Variants in LYST observed in about 807,000 individuals in gnomAD.
LYST encodes the protein lysosomal trafficking regulator, also known as lysosomal-trafficking regulator.
LYST carries 192 observed loss-of-function variants against 413.6 expected under a neutral mutation model. The observed-to-expected ratio is 0.46, with a 90% CI of 0.41 to 0.52. The LOEUF (loss-of-function observed/expected upper bound fraction) is 0.52, where lower values mean the gene tolerates loss of function less well. LYST is among the 20% of genes least tolerant of loss of function. The pLI is 0.00. For synonymous variants in LYST, 1,525 were observed against 1,567.3 expected (o/e 0.97, Z 0.64); for missense variants, 3,815 against 4,499.9 (o/e 0.85, Z 4.35).
At chr1:235,778,935 C>T (rs1348933773) in intron 16 of LYST, among the ~76,000 whole-genome samples, 2 of 151,618 alleles carry the variant, frequency 1.3e-5, no homozygotes, top group African/African-American at 2.4e-5. Flanking sequence ...GGCGCATTCT[C>T]GGCTCTCTGC....
chr1:235,871,186 C>T (rs1680907786), upstream of LYST, among the ~76,000 whole-genome samples: 1 of 152,192 alleles, frequency 6.6e-6, no homozygotes, highest in Admixed American at 6.5e-5. Context: ...TTACCAACAT[C>T]CATTTCATTT....
intron 14 of LYST, among the ~76,000 whole-genome samples, chr1:235,785,920 A>G (rs947612833): frequency 5.9e-5 from 9 of 152,186 alleles, no homozygotes; most frequent in African/African-American, 2.2e-4. Context: ...CAATTCTCCT[A>G]TGTGGTAAAA....
At chr1:235,666,235 C>T (rs1311578164) in intron 50 of LYST, among the ~76,000 whole-genome samples, 1 of 77,422 alleles carries the variant, frequency 1.3e-5, no homozygotes, top group African/African-American at 7.5e-5. Context: ...TACACACACA[C>T]ACACACACAC....
intron 25 of LYST, 128 bp downstream of exon 25, chr1:235,755,350 T>G (rs867212665): frequency 1.2e-6 from 1 of 857,542 alleles, no homozygotes; most frequent in Non-Finnish European, 1.9e-6. Context: ...GATTGCACCA[T>G]TGCACTCCAG....
At chr1:235,766,732 T>A (rs1462092212) in intron 20 of LYST, among the ~76,000 whole-genome samples, 1 of 152,138 alleles carries the variant, frequency 6.6e-6, no homozygotes, top group African/African-American at 2.4e-5. Flanking sequence ...GAATAGTGCC[T>A]TGCATATAGG....
chr1:235,694,147 C>A (rs1660899407), intron 46 of LYST, among the ~76,000 whole-genome samples: 2 of 151,958 alleles, frequency 1.3e-5, no homozygotes, highest in African/African-American at 4.8e-5. Context: ...GCAGCTGGGA[C>A]TACAGGCGCT....
chr1:235,831,730 ATAAAGTGCATC>A (rs1189750162), intron 2 of LYST, among the ~76,000 whole-genome samples: 1 of 152,226 alleles, frequency 6.6e-6, no homozygotes. Flanking sequence ...GGAGAAAAAT[ATAAAGTGCATC>A]TCTCATTCTA....
At chr1:235,671,818 G>A (rs1246773458) in intron 50 of LYST, among the ~76,000 whole-genome samples, 1 of 152,174 alleles carries the variant, frequency 6.6e-6, no homozygotes, top group Non-Finnish European at 1.5e-5. Context: ...TTAAGAAGAG[G>A]ATGACATAAT....
chr1:235,738,519 A>C (rs1339978894), intron 31 of LYST: 3 of 1,611,654 alleles, frequency 1.9e-6, no homozygotes, highest in Non-Finnish European at 2.5e-6. Flanking sequence ...CCGTTACCCA[A>C]TGGGGGAAAG....
chr1:235,820,877 T>G (rs2102950319), intron 3 of LYST, among the ~76,000 whole-genome samples: 1 of 152,356 alleles, frequency 6.6e-6, no homozygotes, highest in South Asian at 2.1e-4. Context: ...TCTTTCTCTT[T>G]CCTTTTCTTT....
At chr1:235,691,986 C>CTA (rs1346657498) in intron 47 of LYST, among the ~76,000 whole-genome samples, 1 of 151,024 alleles carries the variant, frequency 6.6e-6, no homozygotes, top group Admixed American at 6.6e-5. Flanking sequence ...GCGTGAGCCA[C>CTA]CATGCCCAGC....
rs1380871045 is a variant in LYST at position 235,759,261 on chromosome 1, G to A, written c.6592C>T (p.Pro2198Ser). 6.2e-7 allele frequency: 1 copy of A among 1,614,120 alleles called. No homozygotes were observed. The highest frequency in any genetic ancestry group is 8.5e-7 in the Non-Finnish European group (1 of 1,180,022). Reference sequence around the variant, plus strand: ...TGTTTATGATCTGCTTTGACCACTGGAAATCCCAGCACTCCCTTTGGGACA... The same window carrying A: ...TGTTTATGATCTGCTTTGACCACTGAAAATCCCAGCACTCCCTTTGGGACA... ...SDVPKGVLGFPVVKADHKQLG... is the reference protein window; with the variant it reads ...SDVPKGVLGFSVVKADHKQLG... Residue 2198 changes from proline to serine, a missense_variant, in exon 23 of 53, where the codon CCA (proline) becomes TCA (serine). This residue lies in a region of LYST where 771 missense variants were observed against 837.1 expected (regional missense o/e 0.92). Transcript: ENST00000389793.
intron 1 of LYST, among the ~76,000 whole-genome samples, chr1:235,857,424 G>A (rs1217139159): frequency 1.3e-5 from 2 of 152,064 alleles, no homozygotes; most frequent in Non-Finnish European, 1.5e-5. Context: ...GGGATTTGAA[G>A]AAAGTTCTAG....
chr1:235,777,174 G>C lies in LYST; in HGVS notation c.5349C>G (p.Ile1783Met). ...TCTTTAGATGATGAGGTTCTAATAA[G>C]ATGCTCTGAACTTCTTTTGAGCTGA... ...RPFSSKEVQSILLEPHHLKNL... is the reference protein window; with the variant it reads ...RPFSSKEVQSMLLEPHHLKNL... The change falls in exon 17 of 53, where the codon ATC becomes ATG. Residue 1783 changes from isoleucine to methionine, a missense_variant. By Grantham distance (10) the Ile-to-Met change is conservative. Coordinates refer to ENST00000389793, the MANE Select transcript of LYST (RefSeq NM_000081.4). 6.2e-7 allele frequency: 1 copy of C among 1,613,750 alleles called. No individual in the cohort carries two copies.
chr1:235,738,191 T>A, intron 31 of LYST: 1 of 1,610,184 alleles, frequency 6.2e-7, no homozygotes. Flanking sequence ...AGATGATGGA[T>A]CTCCACCATG....
At chr1:235,741,937 A>G (rs1015384107) in intron 30 of LYST, among the ~76,000 whole-genome samples, 8 of 152,216 alleles carry the variant, frequency 5.3e-5, no homozygotes, top group Non-Finnish European at 1.2e-4. Flanking sequence ...CTTAAAGAGG[A>G]AGGAAATTCT....
At chr1:235,758,283 G>T (rs1317465578) in intron 23 of LYST, among the ~76,000 whole-genome samples, 1 of 152,326 alleles carries the variant, frequency 6.6e-6, no homozygotes, top group East Asian at 1.9e-4. Flanking sequence ...AGTTTCTGGA[G>T]AGAGAACAAA....
chr1:235,675,796 C>G (rs941807431), intron 50 of LYST, among the ~76,000 whole-genome samples: 1 of 152,172 alleles, frequency 6.6e-6, no homozygotes, highest in Non-Finnish European at 1.5e-5. Flanking sequence ...TCATGGCAGC[C>G]TCCAAATTTG....
At chr1:235,843,336 T>C (rs1677433352) in intron 1 of LYST, among the ~76,000 whole-genome samples, 1 of 152,136 alleles carries the variant, frequency 6.6e-6, no homozygotes, top group African/African-American at 2.4e-5. Flanking sequence ...TTCTGAATAG[T>C]GGGATATACA....
Sources: gnomAD v4.1 joint callset for allele counts (sites outside exome capture counted in the v4.1 genomes callset) on GRCh38, gnomAD v4.1.1 for gene constraint, gnomAD v4.1.1 regional missense constraint, MANE v1.5 for transcripts, NCBI Gene and HGNC (gene_info 2026-07-23, HGNC 2026-07-21) for gene names.